Variants in FUT9 observed in about 807,000 individuals in gnomAD.
FUT9 encodes the protein 4-galactosyl-N-acetylglucosaminide 3-alpha-L-fucosyltransferase 9.
In FUT9, 15 loss-of-function variants were observed where a neutral mutation model predicts 29.7. The observed-to-expected ratio is 0.51, with a 90% CI of 0.34 to 0.78. FUT9 has a LOEUF of 0.78. Ranked by LOEUF, FUT9 falls within the 30% of genes least tolerant of loss-of-function variation. FUT9 has a pLI of 0.01. For synonymous variants in FUT9, 169 were observed against 153.7 expected, an observed-to-expected ratio of 1.10 and a Z score of -0.74; for missense variants, 319 against 425.4, an observed-to-expected ratio of 0.75 and a Z score of 2.20.
At chr6:96,051,904 G>A (rs1770677378) in intron 1 of FUT9, among the ~76,000 whole-genome samples, 1 of 152,130 alleles carries the variant, frequency 6.6e-6, no homozygotes, top group Non-Finnish European at 1.5e-5. Context: ...TGATGTCTCT[G>A]AAAAAGGACT....
chr6:96,065,889 C>T (rs1288580602), intron 1 of FUT9, among the ~76,000 whole-genome samples: 1 of 152,130 alleles, frequency 6.6e-6, no homozygotes, highest in Non-Finnish European at 1.5e-5. Context: ...TGGTTGCTGA[C>T]TGTGAGATAA....
intron 1 of FUT9, among the ~76,000 whole-genome samples, chr6:96,027,088 A>G (rs1308407734): frequency 6.6e-6 from 1 of 151,690 alleles, no homozygotes; most frequent in East Asian, 1.9e-4. Context: ...CCATTGTTTT[A>G]CTTATAGTCA....
intron 2 of FUT9, among the ~76,000 whole-genome samples, chr6:96,117,345 A>G (rs1445519754): frequency 1.3e-5 from 2 of 152,224 alleles, no homozygotes; most frequent in Non-Finnish European, 2.9e-5. Flanking sequence ...TTGCGTTGCT[A>G]GATGAGAGAT....
intron 1 of FUT9, among the ~76,000 whole-genome samples, chr6:96,068,598 T>A (rs1302442551): frequency 1.3e-5 from 2 of 152,210 alleles, no homozygotes. Context: ...GATTAGCATC[T>A]GAATAAATTG....
intron 2 of FUT9, among the ~76,000 whole-genome samples, chr6:96,136,659 A>G (rs958102988): frequency 3.3e-5 from 5 of 152,116 alleles, no homozygotes; most frequent in Middle Eastern, 3.4e-3. Flanking sequence ...TATCTTCTTC[A>G]CAGCATTTGT....
chr6:96,106,846 T>C (rs1771695812), intron 1 of FUT9, among the ~76,000 whole-genome samples: 2 of 152,210 alleles, frequency 1.3e-5, no homozygotes, highest in African/African-American at 4.8e-5. Flanking sequence ...TTGATTTGAT[T>C]GAAAGACACA....
At chr6:96,129,295 AAC>A (rs1562135648) in intron 2 of FUT9, among the ~76,000 whole-genome samples, 1 of 15,046 alleles carries the variant, frequency 6.6e-5, no homozygotes, top group Admixed American at 2.0e-3. Flanking sequence ...AAAAAAAACA[AAC>A]AACCAGCCAT....
intron 1 of FUT9, among the ~76,000 whole-genome samples, chr6:96,104,879 G>C (rs1448526984): frequency 6.6e-6 from 1 of 152,164 alleles, no homozygotes; most frequent in Non-Finnish European, 1.5e-5. Context: ...ATAGAAGGCA[G>C]GTACAGATTT....
chr6:96,089,659 T>C (rs1268436013), intron 1 of FUT9, among the ~76,000 whole-genome samples: 1 of 152,170 alleles, frequency 6.6e-6, no homozygotes, highest in East Asian at 1.9e-4. Context: ...TGAACTAAGC[T>C]TTCAGCATAT....
In FUT9 at chr6:96,209,755, T is replaced by A. The variant is rs1004889944; in HGVS notation, c.*5520T>A. 2 of 166,834 alleles carry A rather than the reference T, an allele frequency of 1.2e-5. No homozygotes were observed. The highest frequency in any genetic ancestry group is 2.4e-5 in the African/African-American group (1 of 41,420). 10.3% of individuals were successfully genotyped at this position (166,834 alleles called of 1,614,324 possible). A position where few individuals can be genotyped will look rare whatever the true frequency, so the allele number is the denominator to read the frequency against. ...TTAAAAATAACCTCTCAAACACCAGTTGCTTTCTGTCAGTTTTACTCAAAG... is the reference window on the plus strand; with the variant it reads ...TTAAAAATAACCTCTCAAACACCAGATGCTTTCTGTCAGTTTTACTCAAAG... On this transcript the variant is annotated 3_prime_UTR_variant, in exon 3 of 3. Transcript: ENST00000302103.
rs62417732 is a variant in FUT9, at chr6:96,173,441, G to A, written c.-8-29707G>A. ...GAACAGTACTCAACATAAAGTTCAC[G>A]ACTGATCATATTTCTTGGATAAGTT... On this transcript the variant is annotated intron_variant, in intron 2 of 2. Coordinates refer to ENST00000302103, the MANE Select transcript of FUT9 (RefSeq NM_006581.4). Among the ~76,000 whole-genome samples, 299 of 152,104 alleles carry A rather than the reference G, an allele frequency of 2.0e-3. 2 individuals carry two copies. The highest frequency in any genetic ancestry group is 0.012 in the South Asian group (58 of 4,820).
At chr6:96,113,024 A>G (rs908488103) in intron 1 of FUT9, among the ~76,000 whole-genome samples, 2 of 152,150 alleles carry the variant, frequency 1.3e-5, no homozygotes, top group East Asian at 1.9e-4. Flanking sequence ...TATATTTCTA[A>G]GCATTCAGAT....
chr6:96,140,963 G>T (rs1772450667), intron 2 of FUT9, among the ~76,000 whole-genome samples: 1 of 152,118 alleles, frequency 6.6e-6, no homozygotes, highest in East Asian at 1.9e-4. Flanking sequence ...ATTGACCTTA[G>T]AACTAGGTAA....
chr6:96,187,489 C>G (rs13192406), intron 2 of FUT9, among the ~76,000 whole-genome samples: 25,704 of 151,958 alleles, frequency 0.17, 2,490 homozygotes, highest in East Asian at 0.24. Context: ...AGGGTGGGTG[C>G]AGACTGTAAT....
chr6:96,120,836 G>A (rs1173531718), intron 2 of FUT9, among the ~76,000 whole-genome samples: 1 of 151,786 alleles, frequency 6.6e-6, no homozygotes, highest in Non-Finnish European at 1.5e-5. Flanking sequence ...ATGAGTCTTG[G>A]TGGTGTCTCA....
At chr6:96,144,912 A>C (rs984661563) in intron 2 of FUT9, among the ~76,000 whole-genome samples, 1 of 152,214 alleles carries the variant, frequency 6.6e-6, no homozygotes, top group Admixed American at 6.5e-5. Flanking sequence ...ACTTGCTGAA[A>C]ACTATCCTCA....
chr6:96,079,691 C>A (rs1344551221), intron 1 of FUT9, among the ~76,000 whole-genome samples: 1 of 151,452 alleles, frequency 6.6e-6, no homozygotes, highest in Non-Finnish European at 1.5e-5. Flanking sequence ...CAATATGTTT[C>A]TAGTGTAAAA....
chr6:96,125,666 C>T (rs1156473693), intron 2 of FUT9, among the ~76,000 whole-genome samples: 1 of 152,124 alleles, frequency 6.6e-6, no homozygotes, highest in Non-Finnish European at 1.5e-5. Flanking sequence ...TTGAAGTCTT[C>T]TGAACCTCCA....
intron 1 of FUT9, among the ~76,000 whole-genome samples, chr6:96,068,950 C>T (rs1251132016): frequency 6.6e-6 from 1 of 152,040 alleles, no homozygotes; most frequent in African/African-American, 2.4e-5. Flanking sequence ...ACTTTTTGTA[C>T]GCAGATAATA....
Sources: allele counts gnomAD v4.1 joint callset (sites outside exome capture counted in the v4.1 genomes callset), GRCh38; gene constraint gnomAD v4.1.1; transcripts MANE v1.5; gene names NCBI Gene and HGNC (gene_info 2026-07-23, HGNC 2026-07-21).